ITGBL1: variants seen among roughly 807,000 people sequenced by gnomAD.
ITGBL1 encodes the protein integrin beta-like protein 1.
ITGBL1 carries 51 observed loss-of-function variants against 68.5 expected under a neutral mutation model. That is an observed-to-expected ratio of 0.74 (90% CI 0.59 to 0.94). The LOEUF (loss-of-function observed/expected upper bound fraction) is 0.94, where lower values mean the gene tolerates loss of function less well. ITGBL1 is among the 40% of genes least tolerant of loss of function. The pLI is 0.00. For synonymous variants in ITGBL1, 209 were observed against 227.3 expected (o/e 0.92, Z 0.72); for missense variants, 649 against 647.4 (o/e 1.00, Z -0.03).
chr13:101,486,780 A>G (rs1272805537), intron 2 of ITGBL1, among the ~76,000 whole-genome samples: 1 of 152,214 alleles, frequency 6.6e-6, no homozygotes, highest in Non-Finnish European at 1.5e-5. Context: ...TGGCTATATT[A>G]CTATTCATTT....
intron 2 of ITGBL1, among the ~76,000 whole-genome samples, chr13:101,532,715 T>C (rs530291632): frequency 6.6e-6 from 1 of 152,218 alleles, no homozygotes; most frequent in South Asian, 2.1e-4. Context: ...CATAACAACG[T>C]TTTGATAAAA....
chr13:101,561,437 T>C (rs989026978), intron 2 of ITGBL1, among the ~76,000 whole-genome samples: 1 of 152,136 alleles, frequency 6.6e-6, no homozygotes, highest in Non-Finnish European at 1.5e-5. Flanking sequence ...AGGGCACTTG[T>C]AAGTATCCAT....
intron 2 of ITGBL1, among the ~76,000 whole-genome samples, chr13:101,509,092 G>A (rs1480899062): frequency 1.3e-5 from 2 of 152,102 alleles, no homozygotes; most frequent in African/African-American, 4.8e-5. Context: ...AAAAGAAAGA[G>A]GTTTAATGGA....
intron 7 of ITGBL1, among the ~76,000 whole-genome samples, chr13:101,666,355 C>T (rs956272605): frequency 1.1e-4 from 16 of 152,152 alleles, no homozygotes; most frequent in East Asian, 1.9e-4. Context: ...GACTTGGGAC[C>T]GCACTGGTTT....
At chr13:101,512,145 T>C (rs1187763428) in intron 2 of ITGBL1, among the ~76,000 whole-genome samples, 1 of 152,188 alleles carries the variant, frequency 6.6e-6, no homozygotes, top group African/African-American at 2.4e-5. Flanking sequence ...GTCATTTTAC[T>C]TCCAAGCTCA....
At chr13:101,525,628 A>G (rs901861264) in intron 2 of ITGBL1, among the ~76,000 whole-genome samples, 1 of 151,988 alleles carries the variant, frequency 6.6e-6, no homozygotes, top group Admixed American at 6.6e-5. Flanking sequence ...ACTATTTTGA[A>G]GAGAAATGCA....
At chr13:101,544,641 C>T (rs553352791) in intron 2 of ITGBL1, among the ~76,000 whole-genome samples, 2 of 152,306 alleles carry the variant, frequency 1.3e-5, no homozygotes, top group South Asian at 2.1e-4. Flanking sequence ...GGCTATGCCC[C>T]GCCCCCAGAG....
intron 2 of ITGBL1, among the ~76,000 whole-genome samples, chr13:101,487,486 A>G (rs2048717691): frequency 6.6e-6 from 1 of 152,262 alleles, no homozygotes; most frequent in East Asian, 1.9e-4. Context: ...TGAAATTGGC[A>G]ATTATATTTG....
intron 9 of ITGBL1, among the ~76,000 whole-genome samples, chr13:101,710,602 A>G (rs2034416921): frequency 6.6e-6 from 1 of 152,168 alleles, no homozygotes; most frequent in African/African-American, 2.4e-5. Flanking sequence ...CAAATTTTCT[A>G]TCATTTTTCT....
chr13:101,692,621 CAGG>C lies in ITGBL1; in HGVS notation c.1055_1057del (p.Gly352del). On this transcript the variant is annotated inframe_deletion, in exon 8 of 11. Coordinates refer to ENST00000376180, the MANE Select transcript of ITGBL1 (RefSeq NM_004791.3). ...TGTGGCAAATGCACCTGCTATCCTC[CAGG>C]AGATCGCCGGGTGTATGGCAAGACT... is the stretch of plus-strand genomic sequence containing the variant. 6.2e-7 allele frequency: 1 copy of C among 1,613,702 alleles called. No homozygotes were observed. The highest frequency in any genetic ancestry group is 8.5e-7 in the Non-Finnish European group (1 of 1,179,702).
chr13:101,616,145 C>T (rs1566759552), intron 7 of ITGBL1, among the ~76,000 whole-genome samples: 2 of 152,156 alleles, frequency 1.3e-5, no homozygotes, highest in Non-Finnish European at 1.5e-5. Context: ...ATTTGAGGTG[C>T]TCTCTACCAG....
intron 7 of ITGBL1, among the ~76,000 whole-genome samples, chr13:101,671,334 TCTTTA>T (rs1443975443): frequency 1.3e-5 from 2 of 152,294 alleles, no homozygotes; most frequent in East Asian, 1.9e-4. Context: ...CATTGTTGTT[TCTTTA>T]CTTAAAACGT....
intron 8 of ITGBL1, among the ~76,000 whole-genome samples, chr13:101,705,431 C>T (rs535049066): frequency 2.3e-4 from 35 of 152,064 alleles, no homozygotes; most frequent in Non-Finnish European, 2.9e-4. Context: ...TCCGCATTCT[C>T]GCAAGTGTCC....
chr13:101,637,016 T>C (rs2032191501), intron 7 of ITGBL1, among the ~76,000 whole-genome samples: 1 of 152,206 alleles, frequency 6.6e-6, no homozygotes, highest in Admixed American at 6.5e-5. Context: ...TAAAATTGAC[T>C]ACATCTAGAA....
At chr13:101,702,895 T>C (rs1463014475) in intron 8 of ITGBL1, among the ~76,000 whole-genome samples, 1 of 152,222 alleles carries the variant, frequency 6.6e-6, no homozygotes, top group Non-Finnish European at 1.5e-5. Context: ...TTAACAATTA[T>C]TCATTGAGTA....
intron 2 of ITGBL1, among the ~76,000 whole-genome samples, chr13:101,544,181 G>T (rs1025248720): frequency 6.6e-6 from 1 of 152,110 alleles, no homozygotes; most frequent in Non-Finnish European, 1.5e-5. Flanking sequence ...CATCTTTGTG[G>T]TTTTATCTAC....
chr13:101,589,577 G>T (rs992338953), intron 6 of ITGBL1, among the ~76,000 whole-genome samples: 1 of 152,120 alleles, frequency 6.6e-6, no homozygotes, highest in Admixed American at 6.6e-5. Context: ...AGGAACATTG[G>T]CCATCTTGAA....
chr13:101,673,152 A>G (rs1326637324), intron 7 of ITGBL1, among the ~76,000 whole-genome samples: 3 of 152,228 alleles, frequency 2.0e-5, no homozygotes, highest in Non-Finnish European at 2.9e-5. Context: ...ATTCCTTATC[A>G]TAATGAGACT....
At chr13:101,706,101 A>C (rs2139586014) in intron 8 of ITGBL1, among the ~76,000 whole-genome samples, 1 of 152,350 alleles carries the variant, frequency 6.6e-6, no homozygotes, top group South Asian at 2.1e-4. Flanking sequence ...TGTCACAAAT[A>C]CAATGTTACA....
Sources: allele counts gnomAD v4.1 joint callset (sites outside exome capture counted in the v4.1 genomes callset), GRCh38; gene constraint gnomAD v4.1.1; transcripts MANE v1.5; gene names NCBI Gene and HGNC (gene_info 2026-07-23, HGNC 2026-07-21).